Variants in ZSCAN2 observed in about 807,000 individuals in gnomAD.
ZSCAN2 encodes zinc finger and SCAN domain containing 2, also known as zinc finger and SCAN domain-containing protein 2.
Under a neutral mutation model 47.8 loss-of-function variants are expected in ZSCAN2, and 26 were observed. That is an observed-to-expected ratio of 0.54 (90% CI 0.40 to 0.75). ZSCAN2 has a LOEUF of 0.75. Among genes scored for constraint, ZSCAN2 ranks in the 30% least tolerant of loss-of-function variants. The probability of loss-of-function intolerance (pLI) is 0.00; values close to 1 mark genes in which losing one functional copy is unlikely to be tolerated. For missense variants in ZSCAN2, 732 were observed against 785.4 expected, an observed-to-expected ratio of 0.93 and a Z score of 0.81; for synonymous variants, 305 against 288.7, an observed-to-expected ratio of 1.06 and a Z score of -0.57.
chr15:84,602,183 T>A (rs1265425262), intron 1 of ZSCAN2: 1 of 151,974 alleles, frequency 6.6e-6, no homozygotes, highest in Non-Finnish European at 1.5e-5. Flanking sequence ...TCTTCCGACC[T>A]CAGGTGATCC....
chr15:84,604,048 G>C lies in ZSCAN2; in HGVS notation c.121G>C (p.Val41Leu). ...CATGATCCTGGAGGATGACTCCTGGGTGCAAGAAGCTGTGCTGCAGGAGGA... is the reference window on the plus strand; with the variant it reads ...CATGATCCTGGAGGATGACTCCTGGCTGCAAGAAGCTGTGCTGCAGGAGGA... ...TTMILEDDSW[V>L]QEAVLQEDGP... Residue 41 changes from valine (V) to leucine (L), a missense_variant, in exon 2 of 3, where the codon GTG becomes CTG. By Grantham distance (32) the Val-to-Leu change is conservative (BLOSUM62 1). This residue lies in a region of ZSCAN2 where 320 missense variants were observed against 287.4 expected (regional missense o/e 1.11). Coordinates refer to ENST00000546148, the MANE Select transcript of ZSCAN2 (RefSeq NM_181877.4). 1 of 1,614,182 alleles carries C rather than the reference G, an allele frequency of 6.2e-7. No individual in the cohort carries two copies. The highest frequency in any genetic ancestry group is 8.5e-7 in the Non-Finnish European group (1 of 1,180,038).
rs1210364971 is a variant in ZSCAN2, at chr15:84,622,431, T to C, written c.*391T>C. On this transcript the variant is annotated 3_prime_UTR_variant, in exon 3 of 3. Coordinates refer to ENST00000546148, the MANE Select transcript of ZSCAN2 (RefSeq NM_181877.4). ...GTCCTCAGAGAAATACTGGAAATCA[T>C]TGGTGTGGTTCTGGTTGTTTTGTTG... 39 of 598,120 alleles carry C rather than the reference T, an allele frequency of 6.5e-5. No individual in the cohort carries two copies. The highest frequency in any genetic ancestry group is 1.0e-4 in the Non-Finnish European group (34 of 330,128). The allele number at this position is 598,120 out of a possible 1,614,324, so 37.1% of individuals were successfully genotyped here.
intron 2 of ZSCAN2, among the ~76,000 whole-genome samples, chr15:84,604,689 A>G (rs1175751791): frequency 6.6e-6 from 1 of 151,956 alleles, no homozygotes; most frequent in Admixed American, 6.5e-5. Context: ...GGTTCTTGCA[A>G]TTAGAGAAAA....
At chr15:84,606,584 T>TG in intron 2 of ZSCAN2, 1 of 1,614,064 alleles carries the variant, frequency 6.2e-7, no homozygotes, top group South Asian at 1.1e-5. Context: ...AATGAACTTC[T>TG]GGATCTCCAG....
At chr15:84,618,194 G>C (rs139013249) in intron 2 of ZSCAN2, among the ~76,000 whole-genome samples, 3,612 of 152,198 alleles carry the variant, frequency 0.024, 147 homozygotes, top group Admixed American at 0.12. Context: ...CAGGCGGGCG[G>C]ATCACCTGAG....
chr15:84,604,472 T>G, intron 2 of ZSCAN2, 139 bp downstream of exon 2: 9 of 1,114,902 alleles, frequency 8.1e-6, no homozygotes, highest in Non-Finnish European at 1.1e-5. Context: ...CTGCAGGCAG[T>G]CAGCGTGTTC....
At chr15:84,603,517 C>T (rs1003984363) in intron 1 of ZSCAN2, among the ~76,000 whole-genome samples, 17 of 151,852 alleles carry the variant, frequency 1.1e-4, no homozygotes, top group South Asian at 6.2e-4. Flanking sequence ...TACAGGCCCC[C>T]GCCACCACGC....
chr15:84,604,418 T>G, intron 2 of ZSCAN2, 85 bp downstream of exon 2: 1 of 1,496,112 alleles, frequency 6.7e-7, no homozygotes, highest in Non-Finnish European at 8.9e-7. Context: ...GAGAAGGTGG[T>G]GTCCAAGGCA....
intron 1 of ZSCAN2, among the ~76,000 whole-genome samples, chr15:84,602,687 C>G (rs1050827517): frequency 1.3e-5 from 2 of 148,250 alleles, no homozygotes; most frequent in African/African-American, 5.0e-5. Flanking sequence ...CTCCCAGGTT[C>G]GGGCAATTCT....
intron 2 of ZSCAN2, among the ~76,000 whole-genome samples, chr15:84,614,162 GT>G (rs112700046): frequency 8.1e-5 from 12 of 147,792 alleles, no homozygotes; most frequent in African/African-American, 2.8e-4. Flanking sequence ...GGCTAATTCT[GT>G]TTTTTTTTGT....
chr15:84,608,628 GTAGACCTCTGGTTCTC>G, intron 2 of ZSCAN2, among the ~76,000 whole-genome samples: 1 of 151,708 alleles, frequency 6.6e-6, no homozygotes, highest in Admixed American at 6.6e-5. Flanking sequence ...CTAGACCTCT[GTAGACCTCTGGTTCTC>G]AAACTCAGCC....
intron 1 of ZSCAN2, among the ~76,000 whole-genome samples, chr15:84,602,498 A>T (rs1400740911): frequency 2.0e-5 from 3 of 152,002 alleles, no homozygotes; most frequent in African/African-American, 7.2e-5. Flanking sequence ...TCATCCCAGA[A>T]GGCTCCTTTG....
intron 2 of ZSCAN2, among the ~76,000 whole-genome samples, chr15:84,613,308 G>A (rs1168783666): frequency 6.6e-6 from 1 of 151,952 alleles, no homozygotes; most frequent in Non-Finnish European, 1.5e-5. Flanking sequence ...TTTAATTATT[G>A]AGATTTCATA....
chr15:84,601,380 G>A (rs890665983), intron 1 of ZSCAN2, among the ~76,000 whole-genome samples: 1 of 152,132 alleles, frequency 6.6e-6, no homozygotes, highest in African/African-American at 2.4e-5. Context: ...GGCTTTGGAC[G>A]GGAAGGGGCA....
chr15:84,620,148 G>A (rs747762908), intron 2 of ZSCAN2, among the ~76,000 whole-genome samples: 9 of 152,058 alleles, frequency 5.9e-5, no homozygotes, highest in Non-Finnish European at 1.2e-4. Context: ...ATGTGCTCAT[G>A]TGTTCTCTTC....
chr15:84,604,149 G>A lies in ZSCAN2; in HGVS notation c.222G>A (p.Gln74=), dbSNP rs1245710477. 1 of 1,613,706 alleles carries A rather than the reference G, an allele frequency of 6.2e-7. No individual in the cohort carries two copies. Among genetic ancestry groups the A allele is most frequent in the East Asian group, 2.2e-5 (1 of 44,870 alleles). Residue 74 remains glutamine, a synonymous_variant, in exon 2 of 3, where the codon CAG becomes CAA. Coordinates refer to ENST00000546148, the MANE Select transcript of ZSCAN2 (RefSeq NM_181877.4). The stretch of plus-strand genomic sequence containing the variant: ...AGGAGGAGGTGACCAGGGGACCACA[G>A]GGTGCACTCGGCCGCCTCCGAGAGC... The part of the protein sequence containing the change: ...GPQEEVTRGP[Q]GALGRLRELC...
Position 84,603,971 on chromosome 15 carries a change from C to A in ZSCAN2, c.44C>A (p.Ser15Tyr). 2 of 1,613,938 alleles carry A rather than the reference C, an allele frequency of 1.2e-6. No individual in the cohort carries two copies. Among genetic ancestry groups the A allele is most frequent in the South Asian group, 1.1e-5 (1 of 91,062 alleles). ...DIPRVTTPLS[S>Y]LVQVPQEEDR... The stretch of plus-strand genomic sequence containing the variant: ...CCGAGAGTGACCACTCCGCTGAGCT[C>A]CTTGGTCCAGGTGCCTCAAGAGGAA... The change falls in exon 2 of 3, where the codon TCC becomes TAC. Residue 15 changes from serine to tyrosine, a missense_variant. Physicochemically the swap from Ser to Tyr is moderately radical, Grantham distance 144. This residue lies in a region of ZSCAN2 where 320 missense variants were observed against 287.4 expected (regional missense o/e 1.11). Coordinates refer to ENST00000546148, the MANE Select transcript of ZSCAN2 (RefSeq NM_181877.4).
intron 2 of ZSCAN2, among the ~76,000 whole-genome samples, chr15:84,612,578 C>T (rs563175222): frequency 6.6e-6 from 1 of 151,756 alleles, no homozygotes; most frequent in Non-Finnish European, 1.5e-5. Flanking sequence ...ACTAAAAATA[C>T]AAAAAAATTA....
At position 84,609,489 on chromosome 15, in the gene ZSCAN2, A is replaced by G. The variant is rs1240829258; in HGVS notation, c.406+5156A>G. Among the ~76,000 whole-genome samples, 3 of 152,294 alleles carry G rather than the reference A, an allele frequency of 2.0e-5. No homozygotes were observed. In the South Asian group the frequency reaches 6.2e-4, roughly 32 times the overall value. ...AGGAATGAGCCACTGTGCCCAGCCC[A>G]AAAATTACCTTTAATTTACTCAAAT... On this transcript the variant is annotated intron_variant, in intron 2 of 2. Coordinates refer to ENST00000546148, the MANE Select transcript of ZSCAN2 (RefSeq NM_181877.4).
Sources: gnomAD v4.1 joint callset for allele counts (sites outside exome capture counted in the v4.1 genomes callset) on GRCh38, gnomAD v4.1.1 for gene constraint, gnomAD v4.1.1 regional missense constraint, MANE v1.5 for transcripts, NCBI Gene and HGNC (gene_info 2026-07-23, HGNC 2026-07-21) for gene names.